The following CUBN variants were observed in gnomAD, a reference collection of about 807,000 sequenced individuals.
The protein encoded by CUBN is 460 kDa receptor.
In CUBN, 282 loss-of-function variants were observed where a neutral mutation model predicts 405.3. That is an observed-to-expected ratio of 0.70 (90% CI 0.63 to 0.77). The LOEUF (loss-of-function observed/expected upper bound fraction) is 0.77. Ranked by LOEUF, CUBN falls within the 30% of genes least tolerant of loss-of-function variation. CUBN has a pLI of 0.00. For missense variants in CUBN, 4,514 were observed against 4,475.2 expected (o/e 1.01, Z -0.25); for synonymous variants, 1,684 against 1,617.0 (o/e 1.04, Z -0.99).
In CUBN at chr10:16,824,911, T is replaced by G; in HGVS notation, c.*64A>C. On this transcript the variant is annotated 3_prime_UTR_variant, in exon 67 of 67. Coordinates refer to ENST00000377833, the MANE Select transcript of CUBN (RefSeq NM_001081.4). Reference sequence around the variant, plus strand: ...CATCAGCAGGGGTCATGTATCAGGATGGCAGAGTGCTGTCCAGCGTGCTGC... The same window carrying G: ...CATCAGCAGGGGTCATGTATCAGGAGGGCAGAGTGCTGTCCAGCGTGCTGC... The G allele has an allele frequency of 8.9e-7, 1 of 1,118,894 alleles. No homozygotes were observed. Among genetic ancestry groups the G allele is most frequent in the Non-Finnish European group, 1.4e-6 (1 of 732,808 alleles). The allele number at this position is 1,118,894 out of a possible 1,614,324, so 69.3% of individuals were successfully genotyped here. A position where few individuals can be genotyped will look rare whatever the true frequency, so the allele number is the denominator to read the frequency against.
At chr10:17,047,094 TTAAAG>T (rs1330373669) in intron 23 of CUBN, among the ~76,000 whole-genome samples, 1 of 152,160 alleles carries the variant, frequency 6.6e-6, no homozygotes, top group Non-Finnish European at 1.5e-5. Flanking sequence ...TTTTACATAA[TTAAAG>T]TAGGTATTCA....
In CUBN at chr10:16,990,458, T is replaced by C. The variant is rs767022448; in HGVS notation, c.4226A>G (p.Asn1409Ser). 3.7e-6 allele frequency: 6 copies of C among 1,614,088 alleles called. No homozygotes were observed. Among genetic ancestry groups the C allele is most frequent in the African/African-American group, 2.7e-5 (2 of 74,932 alleles). The change falls in exon 29 of 67, where the codon AAC (asparagine) becomes AGC (serine). Residue 1409 changes from asparagine (N) to serine (S), a missense_variant. Coordinates refer to ENST00000377833, the MANE Select transcript of CUBN (RefSeq NM_001081.4). The stretch of plus-strand genomic sequence containing the variant: ...ACACTCCTTGTTTGGTGGATACCTG[T>C]TGGGGAACCCGGGGCTGCTGAAGGA... ...TGSFSSPGFP[N>S]RYPPNKECIW...
In CUBN at chr10:16,890,347, G is replaced by A. The variant is rs148453898; in HGVS notation, c.8755+24C>T. The A allele has an allele frequency of 2.7e-5, 43 of 1,611,918 alleles. No individual in the cohort carries two copies. In the East Asian group the frequency reaches 8.7e-4, roughly 33 times the overall value. On this transcript the variant is annotated intron_variant, in intron 55 of 66. Coordinates refer to ENST00000377833, the MANE Select transcript of CUBN (RefSeq NM_001081.4). Reference sequence around the variant, plus strand: ...AACCACACTCCCGCAAAGACCTCTGGGTTTGGTTCTTAGGGCTACTTACGG... The same window carrying A: ...AACCACACTCCCGCAAAGACCTCTGAGTTTGGTTCTTAGGGCTACTTACGG...
intron 31 of CUBN, among the ~76,000 whole-genome samples, chr10:16,980,348 A>C (rs2932898): frequency 0.83 from 126,307 of 152,138 alleles, 54,397 homozygotes; most frequent in Non-Finnish European, 0.96. Context: ...TGGGTATATA[A>C]CCAAAGGATT....
chr10:16,920,621 A>T (rs1842008134), intron 43 of CUBN, among the ~76,000 whole-genome samples: 1 of 152,224 alleles, frequency 6.6e-6, no homozygotes, highest in Admixed American at 6.5e-5. Flanking sequence ...ATTTAGATGC[A>T]TTTGAGAACC....
Position 16,824,806 on chromosome 10 carries a change from G to C in CUBN, c.*169C>G. ...AAGTGCTGAGAATACAGGGGGGTGA[G>C]CCACCACGCCTGGCCTACAAATATT... is the stretch of plus-strand genomic sequence containing the variant. On this transcript the variant is annotated 3_prime_UTR_variant, in exon 67 of 67. Coordinates refer to ENST00000377833, the MANE Select transcript of CUBN (RefSeq NM_001081.4). 1.6e-6 allele frequency: 1 copy of C among 633,592 alleles called. No individual in the cohort carries two copies. Among genetic ancestry groups the C allele is most frequent in the Non-Finnish European group, 2.9e-6 (1 of 343,552 alleles). The allele number at this position is 633,592 out of a possible 1,614,324, so 39.2% of individuals were successfully genotyped here.
chr10:17,069,379 T>C (rs903232506), intron 19 of CUBN, among the ~76,000 whole-genome samples: 2 of 152,206 alleles, frequency 1.3e-5, no homozygotes, highest in African/African-American at 4.8e-5. Context: ...AGATAGTATC[T>C]CTATGTTTAA....
chr10:17,128,397 G>A (rs949348681), intron 2 of CUBN, among the ~76,000 whole-genome samples: 7 of 152,196 alleles, frequency 4.6e-5, no homozygotes, highest in Admixed American at 6.5e-5. Flanking sequence ...ATGGCCCACA[G>A]TAAGCTCTGA....
At chr10:16,926,186 G>T (rs1842184219) in intron 41 of CUBN, among the ~76,000 whole-genome samples, 2 of 152,124 alleles carry the variant, frequency 1.3e-5, no homozygotes, top group East Asian at 3.9e-4. Flanking sequence ...TCTTAGCAGA[G>T]ACATGAATGA....
intron 21 of CUBN, 90 bp downstream of exon 21, chr10:17,067,974 T>C: frequency 1.0e-6 from 1 of 980,578 alleles, no homozygotes; most frequent in South Asian, 1.4e-5. Flanking sequence ...CTGGTTTTCA[T>C]AACACAACGT....
Position 16,901,334 on chromosome 10 carries a change from T to C in CUBN, c.8184+4A>G. 1 of 1,614,100 alleles carries C rather than the reference T, an allele frequency of 6.2e-7. No individual in the cohort carries two copies. The highest frequency in any genetic ancestry group is 2.2e-5 in the East Asian group (1 of 44,874). On this transcript the variant is annotated splice_donor_region_variant and intron_variant, in intron 52 of 66. Coordinates refer to ENST00000377833, the MANE Select transcript of CUBN (RefSeq NM_001081.4). Reference sequence around the variant, plus strand: ...AAGCATTTCACCCAGTCATTAGCACTCACAGTGATGGTGTGCCCTTGTGGG... The same window carrying C: ...AAGCATTTCACCCAGTCATTAGCACCCACAGTGATGGTGTGCCCTTGTGGG...
intron 17 of CUBN, 74 bp downstream of exon 17, chr10:17,084,197 T>C: frequency 6.8e-7 from 1 of 1,476,882 alleles, no homozygotes; most frequent in Non-Finnish European, 9.5e-7. Flanking sequence ...AACAATCTTT[T>C]GAAGACCACC....
At chr10:17,070,235 C>A (rs554438729) in intron 19 of CUBN, among the ~76,000 whole-genome samples, 1 of 152,168 alleles carries the variant, frequency 6.6e-6, no homozygotes, top group African/African-American at 2.4e-5. Context: ...ATATTTATAT[C>A]CTTACTTCAA....
intron 22 of CUBN, among the ~76,000 whole-genome samples, chr10:17,055,166 A>C (rs1445079882): frequency 5.3e-5 from 8 of 152,114 alleles, no homozygotes. Flanking sequence ...ACCTAAACAG[A>C]ATAAAAAAAG....
intron 56 of CUBN, among the ~76,000 whole-genome samples, chr10:16,877,584 C>T (rs1023094828): frequency 1.3e-5 from 2 of 152,160 alleles, no homozygotes; most frequent in African/African-American, 4.8e-5. Flanking sequence ...ACTGAGAAAA[C>T]TTGCTCCAAG....
chr10:16,989,590 TAC>T (rs1554806193), intron 29 of CUBN, among the ~76,000 whole-genome samples: 3 of 147,280 alleles, frequency 2.0e-5, no homozygotes, highest in African/African-American at 7.4e-5. Context: ...TATATATATA[TAC>T]ACACACACAC....
intron 36 of CUBN, 147 bp downstream of exon 36, chr10:16,947,088 A>G: frequency 1.2e-6 from 1 of 821,706 alleles, no homozygotes; most frequent in Admixed American, 2.1e-5. Flanking sequence ...GCTATTTATA[A>G]CTCAAACTAT....
intron 56 of CUBN, among the ~76,000 whole-genome samples, chr10:16,886,335 T>A (rs1191891024): frequency 6.6e-6 from 1 of 152,236 alleles, no homozygotes; most frequent in Non-Finnish European, 1.5e-5. Context: ...TTCCCAGATG[T>A]TGAATGCTAT....
chr10:16,901,578 GCAT>G, intron 51 of CUBN, 119 bp from the exon 52 acceptor site: 1 of 1,342,412 alleles, frequency 7.4e-7, no homozygotes, highest in South Asian at 1.2e-5. Flanking sequence ...GTAAGGCCAG[GCAT>G]GGTGGCTCAC....
Sources: allele counts gnomAD v4.1 joint callset (sites outside exome capture counted in the v4.1 genomes callset), GRCh38; gene constraint gnomAD v4.1.1; transcripts MANE v1.5; gene names NCBI Gene and HGNC (gene_info 2026-07-23, HGNC 2026-07-21).